The following RTTN variants were observed in gnomAD, a reference collection of about 807,000 sequenced individuals.
RTTN encodes rotatin.
A neutral mutation model predicts 269.2 loss-of-function variants in RTTN; 182 were observed. That is an observed-to-expected ratio of 0.68 (90% CI 0.60 to 0.76). RTTN has a LOEUF of 0.76. Among genes scored for constraint, RTTN ranks in the 30% least tolerant of loss-of-function variants. RTTN has a pLI of 0.00. For missense variants in RTTN, 2,545 were observed against 2,608.6 expected, an observed-to-expected ratio of 0.98 and a Z score of 0.53; for synonymous variants, 1,006 against 963.5, an observed-to-expected ratio of 1.04 and a Z score of -0.82.
intron 46 of RTTN, among the ~76,000 whole-genome samples, chr18:70,014,757 T>G (rs1189201250): frequency 6.6e-6 from 1 of 152,178 alleles, no homozygotes. Flanking sequence ...AGAATGGTTC[T>G]TTGGAGGTCC....
At position 70,004,601 on chromosome 18, in the gene RTTN, T is replaced by TA. The variant is rs199818344; in HGVS notation, c.6596-366dup. Among the ~76,000 whole-genome samples, 683 of 151,252 alleles carry TA rather than the reference T, an allele frequency of 4.5e-3. 2 individuals are homozygous for TA. The highest frequency in any genetic ancestry group is 7.2e-3 in the Non-Finnish European group (491 of 67,840). ...ATTCATGGTCGCAGCTAAAACAAACTAAAACCTCCCCTGCTTAAAAAAAAA... is the reference window on the plus strand; with the variant it reads ...ATTCATGGTCGCAGCTAAAACAAACTAAAAACCTCCCCTGCTTAAAAAAAAA... On this transcript the variant is annotated intron_variant, in intron 48 of 48. Coordinates refer to ENST00000640769, the MANE Select transcript of RTTN (RefSeq NM_173630.4).
intron 14 of RTTN, among the ~76,000 whole-genome samples, chr18:70,156,590 C>T (rs1341489518): frequency 6.6e-6 from 1 of 152,176 alleles, no homozygotes; most frequent in African/African-American, 2.4e-5. Context: ...ACACTCCCTC[C>T]CCTTTTGAAA....
intron 17 of RTTN, 149 bp from the exon 18 acceptor site, chr18:70,145,932 A>G: frequency 2.0e-6 from 1 of 491,330 alleles, no homozygotes; most frequent in Non-Finnish European, 3.4e-6. Context: ...TACTTTTTCT[A>G]CTAAAAATTC....
chr18:70,121,438 G>C (rs1042966675), intron 26 of RTTN, 118 bp downstream of exon 26: 2 of 804,372 alleles, frequency 2.5e-6, no homozygotes, highest in African/African-American at 3.6e-5. Context: ...ATTACATGAA[G>C]ACTACTTTAC....
chr18:70,004,169 C>G lies in RTTN; in HGVS notation c.6663G>C (p.Gln2221His), dbSNP rs1406355241. The stretch of plus-strand genomic sequence containing the variant: ...ATGGCACTCAGGAAGAATTAAGGAG[C>G]TGCACGAGGTTTTCAAGACATTTCA... ...YYLKCLENLV[Q>H]LLNSS Residue 2221 changes from glutamine (Q) to histidine (H), a missense_variant, in exon 49 of 49, where the codon CAG becomes CAC. By Grantham distance (24) the Gln-to-His change is conservative. Transcript: ENST00000640769. 2 of 1,613,372 alleles carry G rather than the reference C, an allele frequency of 1.2e-6. No homozygotes were observed. Among genetic ancestry groups the G allele is most frequent in the Admixed American group, 3.3e-5 (2 of 60,016 alleles).
chr18:70,041,814 C>T (rs191952906), intron 40 of RTTN, among the ~76,000 whole-genome samples: 7 of 152,122 alleles, frequency 4.6e-5, no homozygotes, highest in East Asian at 1.9e-4. Context: ...CCTCAGCTGT[C>T]GTCTCCTACT....
rs774950381 is a variant in RTTN, at chr18:70,075,473, T to A, written c.4443A>T (p.Leu1481Phe). 4.4e-6 allele frequency: 7 copies of A among 1,608,798 alleles called. No individual in the cohort carries two copies. The Admixed American group carries it at 1.2e-4, about 27-fold the overall frequency. Residue 1481 changes from leucine (L) to phenylalanine (F), a missense_variant, in exon 33 of 49, where the codon TTA becomes TTT. Leu to Phe is a conservative substitution (Grantham distance 22, BLOSUM62 0). Coordinates refer to ENST00000640769, the MANE Select transcript of RTTN (RefSeq NM_173630.4). ...LIGKPALQALLYHCHFYEHLN... is the reference protein window; with the variant it reads ...LIGKPALQALFYHCHFYEHLN... ...AATGTTCATAAAAATGGCAGTGATA[T>A]AAAAGAGCCTGAAGGGCAGGTTTTC...
chr18:70,015,933 T>C (rs190006109), intron 46 of RTTN, among the ~76,000 whole-genome samples: 1 of 152,294 alleles, frequency 6.6e-6, no homozygotes, highest in Admixed American at 6.5e-5. Context: ...ACAGGCTCTC[T>C]CATTGCCCTG....
intron 21 of RTTN, among the ~76,000 whole-genome samples, chr18:70,137,463 CT>C (rs1187747266): frequency 6.6e-6 from 1 of 152,090 alleles, no homozygotes; most frequent in African/African-American, 2.4e-5. Context: ...CAGAAATAAT[CT>C]TCCTAAAACA....
Position 70,204,130 on chromosome 18 carries a change from T to G in RTTN, c.353A>C (p.Glu118Ala), listed in dbSNP as rs759788393. 8.7e-6 allele frequency: 14 copies of G among 1,613,906 alleles called. No individual in the cohort carries two copies. The highest frequency in any genetic ancestry group is 1.1e-5 in the Non-Finnish European group (13 of 1,179,950). The change falls in exon 3 of 49, where the codon GAA becomes GCA. Residue 118 changes from glutamate to alanine, a missense_variant. Transcript: ENST00000640769. ...ILDGLFLLPS[E>A]VPALSSASYQ... ...TGAGGCAGAAGATAGTGCAGGAACT[T>G]CCGAAGGAAGAAGAAAAAGTCCATC... is the stretch of plus-strand genomic sequence containing the variant.
At chr18:70,048,904 T>C (rs1006056423) in intron 39 of RTTN, among the ~76,000 whole-genome samples, 2 of 151,844 alleles carry the variant, frequency 1.3e-5, no homozygotes, top group African/African-American at 4.8e-5. Flanking sequence ...GCAAAAAAAA[T>C]GATAATTGTT....
Position 70,176,864 on chromosome 18 carries a change from C to T in RTTN, c.1306-19G>A. The T allele has an allele frequency of 6.2e-7, 1 of 1,600,228 alleles. No homozygotes were observed. ...TCTCCTTCTGAAAACATTTACACAACATGAAACAGAAGAAAACAACCAATT... is the reference window on the plus strand; with the variant it reads ...TCTCCTTCTGAAAACATTTACACAATATGAAACAGAAGAAAACAACCAATT... On this transcript the variant is annotated intron_variant, in intron 10 of 48. Transcript: ENST00000640769.
intron 28 of RTTN, among the ~76,000 whole-genome samples, chr18:70,096,996 T>C (rs530521583): frequency 6.6e-6 from 1 of 152,326 alleles, no homozygotes; most frequent in African/African-American, 2.4e-5. Context: ...CTCTAAGTCA[T>C]CTTTGGAGAT....
chr18:70,051,419 G>C lies in RTTN; in HGVS notation c.5315C>G (p.Ala1772Gly), dbSNP rs200631915. ...VTVALAKHWT[A>G]AIDMFCTCAG... is the part of the protein sequence containing the mutation. ...TGCAAGTATCTTCTTACCAATCGCC[G>C]CTGTCCAGTGCTTGGCCAGGGCCAC... Residue 1772 changes from alanine (A) to glycine (G), a missense_variant, in exon 39 of 49, where the codon GCG (alanine) becomes GGG (glycine). Ala to Gly is a moderately conservative substitution (Grantham distance 60). Coordinates refer to ENST00000640769, the MANE Select transcript of RTTN (RefSeq NM_173630.4). The C allele has an allele frequency of 1.7e-5, 28 of 1,608,848 alleles. No homozygotes were observed. The highest frequency in any genetic ancestry group is 2.3e-5 in the Non-Finnish European group (27 of 1,178,638).
chr18:70,103,171 G>A (rs186838282), intron 28 of RTTN, among the ~76,000 whole-genome samples: 1 of 152,096 alleles, frequency 6.6e-6, no homozygotes, highest in Non-Finnish European at 1.5e-5. Flanking sequence ...CCTCGTCTGG[G>A]AAGTGAGGAG....
chr18:70,204,915 CTG>C (rs1280459356), intron 2 of RTTN, among the ~76,000 whole-genome samples: 1 of 152,180 alleles, frequency 6.6e-6, no homozygotes, highest in Non-Finnish European at 1.5e-5. Context: ...AAAAGAAGTT[CTG>C]TGTTACTTCT....
At chr18:70,180,354 G>A (rs545633392) in intron 10 of RTTN, among the ~76,000 whole-genome samples, 1 of 152,228 alleles carries the variant, frequency 6.6e-6, no homozygotes, top group Non-Finnish European at 1.5e-5. Context: ...AATTAGCCAG[G>A]AGTGGTGCCT....
chr18:70,200,426 C>T (rs1305558608), intron 4 of RTTN, among the ~76,000 whole-genome samples: 1 of 152,170 alleles, frequency 6.6e-6, no homozygotes, highest in African/African-American at 2.4e-5. Flanking sequence ...ATGTTTTCAT[C>T]GGCTTCATTC....
chr18:70,018,759 T>G (rs1177733125), intron 45 of RTTN, among the ~76,000 whole-genome samples: 1 of 151,726 alleles, frequency 6.6e-6, no homozygotes. Flanking sequence ...CCTTGCTGGA[T>G]TTGGGACTGA....
Sources: allele counts gnomAD v4.1 joint callset (sites outside exome capture counted in the v4.1 genomes callset), GRCh38; gene constraint gnomAD v4.1.1; transcripts MANE v1.5; gene names NCBI Gene and HGNC (gene_info 2026-07-23, HGNC 2026-07-21).